The following RBFOX1 variants were observed in gnomAD, a reference collection of about 807,000 sequenced individuals.
RBFOX1 encodes the protein RNA binding protein fox-1 homolog 1.
RBFOX1 carries 8 observed loss-of-function variants against 57.7 expected under a neutral mutation model. The observed-to-expected ratio is 0.14, with a 90% CI of 0.08 to 0.25. RBFOX1 has a LOEUF of 0.25. RBFOX1 is among the 10% of genes least tolerant of loss of function. The pLI, the probability that RBFOX1 is intolerant of heterozygous loss-of-function variation, is 1.00. For missense variants in RBFOX1, 611 were observed against 548.5 expected (o/e 1.11, Z -1.14); for synonymous variants, 326 against 222.4 (o/e 1.47, Z -4.15).
intron 4 of RBFOX1, among the ~76,000 whole-genome samples, chr16:7,372,231 G>A (rs761405755): frequency 2.4e-4 from 37 of 152,048 alleles, no homozygotes; most frequent in Non-Finnish European, 3.5e-4. Flanking sequence ...TTTGGGCCTC[G>A]GAGCTGGAGT....
At chr16:6,510,709 G>A (rs1469068662) in intron 2 of RBFOX1, among the ~76,000 whole-genome samples, 1 of 152,080 alleles carries the variant, frequency 6.6e-6, no homozygotes, top group Non-Finnish European at 1.5e-5. Flanking sequence ...AGGTTGGAGA[G>A]GCTCCAAATC....
intron 3 of RBFOX1, among the ~76,000 whole-genome samples, chr16:6,902,659 C>G (rs568756632): frequency 1.3e-5 from 2 of 152,104 alleles, no homozygotes; most frequent in Non-Finnish European, 2.9e-5. Flanking sequence ...GAGGCAGAGG[C>G]TGTAGTGAGC....
chr16:6,991,871 A>C (rs1389066389), intron 3 of RBFOX1, among the ~76,000 whole-genome samples: 1 of 152,178 alleles, frequency 6.6e-6, no homozygotes, highest in African/African-American at 2.4e-5. Context: ...CATAGGAATC[A>C]CTTCAGGGTT....
intron 4 of RBFOX1, among the ~76,000 whole-genome samples, chr16:7,066,047 A>G (rs1315053736): frequency 6.6e-6 from 1 of 152,236 alleles, no homozygotes; most frequent in Non-Finnish European, 1.5e-5. Context: ...CCAAGGGGGA[A>G]AAAAGTTTTG....
chr16:6,859,367 C>A (rs928344419), intron 3 of RBFOX1, among the ~76,000 whole-genome samples: 1 of 151,530 alleles, frequency 6.6e-6, no homozygotes, highest in Admixed American at 6.6e-5. Context: ...TCTCTGTTCT[C>A]CTCAAACAGA....
chr16:6,905,976 G>C (rs2069787018), intron 3 of RBFOX1, among the ~76,000 whole-genome samples: 1 of 152,168 alleles, frequency 6.6e-6, no homozygotes, highest in Non-Finnish European at 1.5e-5. Context: ...CCAGGCTGCA[G>C]GGTCCTTCTG....
intron 4 of RBFOX1, among the ~76,000 whole-genome samples, chr16:7,296,163 C>G (rs2095884034): frequency 6.7e-6 from 1 of 149,306 alleles, no homozygotes; most frequent in African/African-American, 2.5e-5. Context: ...CAGACTGCAG[C>G]TAAATGAGAA....
Position 6,563,364 on chromosome 16 carries a change from A to G in RBFOX1, c.-63-91239A>G, listed in dbSNP as rs554543399. 3.9e-5 allele frequency among the ~76,000 whole-genome samples: 6 copies of G among 152,192 alleles called. No homozygotes were observed. In the East Asian group the frequency reaches 5.8e-4, roughly 15 times the overall value. ...TCACATCAATATTTCATAGGAATCC[A>G]TTTAAGTCCATCTTATTATTACCCT... On this transcript the variant is annotated intron_variant, in intron 2 of 15. Coordinates refer to ENST00000550418, the MANE Select transcript of RBFOX1 (RefSeq NM_018723.4).
chr16:5,995,204 T>G (rs886635999), intron 4 of RBFOX1, among the ~76,000 whole-genome samples: 6 of 152,252 alleles, frequency 3.9e-5, no homozygotes, highest in Non-Finnish European at 7.3e-5. Context: ...ATTTATTGAC[T>G]GCTCAGTATT....
At chr16:6,737,989 C>T (rs983857277) in intron 3 of RBFOX1, among the ~76,000 whole-genome samples, 1 of 151,038 alleles carries the variant, frequency 6.6e-6, no homozygotes, top group African/African-American at 2.4e-5. Flanking sequence ...TAAATAAATT[C>T]TAACTATTGC....
chr16:6,055,590 CAAAA>C (rs35872547), intron 1 of RBFOX1, among the ~76,000 whole-genome samples: 3 of 65,576 alleles, frequency 4.6e-5, no homozygotes, highest in Non-Finnish European at 7.8e-5. Context: ...GAGACTCCGT[CAAAA>C]AAAAAAAAAA....
intron 3 of RBFOX1, among the ~76,000 whole-genome samples, chr16:7,010,200 A>T (rs937224347): frequency 6.6e-6 from 1 of 152,376 alleles, no homozygotes; most frequent in Non-Finnish European, 1.5e-5. Flanking sequence ...TTATACATAT[A>T]TGTCATTATT....
At chr16:7,651,041 A>AAT (rs2064939711) in intron 11 of RBFOX1, among the ~76,000 whole-genome samples, 1 of 152,024 alleles carries the variant, frequency 6.6e-6, no homozygotes, top group Non-Finnish European at 1.5e-5. Flanking sequence ...AGTTAAATAA[A>AAT]ATGGCATGAT....
At chr16:5,747,712 C>T (rs1015698529) in intron 3 of RBFOX1, among the ~76,000 whole-genome samples, 1 of 152,020 alleles carries the variant, frequency 6.6e-6, no homozygotes, top group Non-Finnish European at 1.5e-5. Flanking sequence ...CTGTGGGATT[C>T]GTGGTGATAT....
At chr16:7,691,891 G>A (rs940872582) in intron 14 of RBFOX1, among the ~76,000 whole-genome samples, 1 of 152,070 alleles carries the variant, frequency 6.6e-6, no homozygotes, top group Non-Finnish European at 1.5e-5. Context: ...TCTTGCTTAC[G>A]GTAGCATTCT....
intron 4 of RBFOX1, among the ~76,000 whole-genome samples, chr16:7,326,970 C>G (rs1183955409): frequency 2.0e-5 from 3 of 152,118 alleles, no homozygotes; most frequent in Admixed American, 6.5e-5. Flanking sequence ...ATTGGGTGAG[C>G]AAGAAGAAAT....
chr16:6,541,914 C>G (rs1025573277), intron 2 of RBFOX1, among the ~76,000 whole-genome samples: 1 of 151,938 alleles, frequency 6.6e-6, no homozygotes, highest in Non-Finnish European at 1.5e-5. Flanking sequence ...GTAGTGTTCA[C>G]TGCTTTAGTG....
At chr16:5,731,943 T>C (rs543421888) in intron 3 of RBFOX1, among the ~76,000 whole-genome samples, 1 of 152,302 alleles carries the variant, frequency 6.6e-6, no homozygotes, top group South Asian at 2.1e-4. Flanking sequence ...GAAGGTCCTC[T>C]CTCCTGCTGA....
chr16:5,435,905 A>G (rs1473776395), intron 1 of RBFOX1, among the ~76,000 whole-genome samples: 1 of 152,256 alleles, frequency 6.6e-6, no homozygotes, highest in African/African-American at 2.4e-5. Context: ...GCTGCGGTGA[A>G]CAACCCGATT....
Sources: gnomAD v4.1 joint callset for allele counts (sites outside exome capture counted in the v4.1 genomes callset) on GRCh38, gnomAD v4.1.1 for gene constraint, MANE v1.5 for transcripts, NCBI Gene and HGNC (gene_info 2026-07-23, HGNC 2026-07-21) for gene names.